RERE: variants seen among roughly 807,000 people sequenced by gnomAD.
RERE encodes arginine-glutamic acid dipeptide repeats, also known as arginine-glutamic acid dipeptide repeats protein.
In RERE, 40 loss-of-function variants were observed where a neutral mutation model predicts 146.1. The ratio of observed to expected loss-of-function variants is 0.27; its 90% confidence interval spans 0.21 to 0.36. The LOEUF is 0.36. RERE is among the 10% of genes least tolerant of loss of function. The pLI, the probability that RERE is intolerant of heterozygous loss-of-function variation, is 1.00. For synonymous variants in RERE, 1,003 were observed against 866.0 expected, an observed-to-expected ratio of 1.16 and a Z score of -2.78; for missense variants, 1,933 against 2,138.7, an observed-to-expected ratio of 0.90 and a Z score of 1.90.
At chr1:8,700,601 A>G (rs538498838) in intron 1 of RERE, among the ~76,000 whole-genome samples, 14 of 152,338 alleles carry the variant, frequency 9.2e-5, no homozygotes, top group Middle Eastern at 3.4e-3. Context: ...GCTGTTGGTC[A>G]ATGGGTTGCT....
At position 8,571,365 on chromosome 1, in the gene RERE, T is replaced by C. The variant is rs780218258; in HGVS notation, c.523-13842A>G. ...TACCACTGCTGTCTGAATTAAACCC[T>C]GAGTGTAGAGTTGGTAACACAGTAA... On this transcript the variant is annotated intron_variant, in intron 4 of 22. Coordinates refer to ENST00000400908, the MANE Select transcript of RERE (RefSeq NM_001042681.2). Among the ~76,000 whole-genome samples, 45 of 152,260 alleles carry C rather than the reference T, an allele frequency of 3.0e-4. 1 individual carries two copies. Among genetic ancestry groups the C allele is most frequent in the Admixed American group, 7.2e-4 (11 of 15,292 alleles).
intron 10 of RERE, among the ~76,000 whole-genome samples, chr1:8,480,128 GTTTTTTTTTTTTTTGT>G (rs1458752277): frequency 3.0e-4 from 41 of 135,224 alleles, no homozygotes; most frequent in African/African-American, 1.1e-3. Flanking sequence ...GCCTTTTTTT[GTTTTTTTTTTTTTTGT>G]TTTTTTTTTT....
rs1295867131 is a variant in RERE, at chr1:8,475,370, T to C, written c.1105-9347A>G. Among the ~76,000 whole-genome samples the C allele has an allele frequency of 3.2e-5, 3 of 93,626 alleles. No homozygotes were observed. The East Asian group carries it at 1.4e-3, about 42-fold the overall frequency. The allele number at this position is 93,626 out of a possible 152,430, so 61.4% of individuals were successfully genotyped here. ...GCCTGGGTGACAGAGCGAGATTCTG[T>C]CTTAAAAAAAAAAAAAAAAATTCTT... On this transcript the variant is annotated intron_variant, in intron 10 of 22. Coordinates refer to ENST00000400908, the MANE Select transcript of RERE (RefSeq NM_001042681.2).
intron 11 of RERE, among the ~76,000 whole-genome samples, chr1:8,452,088 T>C (rs1284008573): frequency 6.6e-6 from 1 of 152,066 alleles, no homozygotes; most frequent in Non-Finnish European, 1.5e-5. Flanking sequence ...TAGCCCTTGT[T>C]CTCCAATTAA....
chr1:8,637,960 G>A lies in RERE; in HGVS notation c.326-13580C>T, dbSNP rs186007729. ...GATATTCATCACTGCTGTTTAGAAC[G>A]GAGAATATTTGGAAAACATCAAGTC... On this transcript the variant is annotated intron_variant, in intron 2 of 22. Transcript: ENST00000400908. Among the ~76,000 whole-genome samples the A allele has an allele frequency of 6.0e-3, 919 of 152,306 alleles. 3 individuals are homozygous for A. The highest frequency in any genetic ancestry group is 9.2e-3 in the Non-Finnish European group (625 of 68,020).
intron 2 of RERE, among the ~76,000 whole-genome samples, chr1:8,649,139 A>T (rs1263832918): frequency 6.6e-6 from 1 of 152,212 alleles, no homozygotes; most frequent in Non-Finnish European, 1.5e-5. Context: ...AAAGAAGCCC[A>T]GAAGGAAAAT....
chr1:8,715,085 G>A (rs1639738257), intron 1 of RERE, among the ~76,000 whole-genome samples: 1 of 151,862 alleles, frequency 6.6e-6, no homozygotes, highest in Admixed American at 6.6e-5. Context: ...TGTTCGCCAG[G>A]ATGCTCTCAA....
At chr1:8,577,131 T>C (rs1646305173) in intron 4 of RERE, among the ~76,000 whole-genome samples, 2 of 150,462 alleles carry the variant, frequency 1.3e-5, no homozygotes, top group Admixed American at 6.6e-5. Context: ...ATGGCGCCAC[T>C]GCACTCCAGC....
At chr1:8,675,495 C>CAAAAAAAA (rs56912804) in intron 1 of RERE, among the ~76,000 whole-genome samples, 40 of 90,142 alleles carry the variant, frequency 4.4e-4, no homozygotes, top group Admixed American at 8.0e-4. Context: ...CCCATCTCTA[C>CAAAAAAAA]AAAAAAAAAA....
chr1:8,357,021 C>T (rs1161462348), intron 20 of RERE, among the ~76,000 whole-genome samples: 5 of 152,338 alleles, frequency 3.3e-5, no homozygotes, highest in African/African-American at 1.2e-4. Context: ...CTCCTGACGG[C>T]CTTCTCGAAA....
chr1:8,615,207 TA>T, intron 3 of RERE, among the ~76,000 whole-genome samples: 1 of 152,122 alleles, frequency 6.6e-6, no homozygotes, highest in Middle Eastern at 3.2e-3. Flanking sequence ...TTTAACTGTA[TA>T]AAGCTGAAGG....
chr1:8,774,423 G>C (rs181454726), intron 1 of RERE, among the ~76,000 whole-genome samples: 6 of 138,470 alleles, frequency 4.3e-5, no homozygotes, highest in African/African-American at 1.6e-4. Flanking sequence ...GCGCGATCTC[G>C]GCTCACCCCA....
chr1:8,393,566 A>G (rs1557607628), intron 12 of RERE, among the ~76,000 whole-genome samples: 1 of 152,214 alleles, frequency 6.6e-6, no homozygotes, highest in Non-Finnish European at 1.5e-5. Flanking sequence ...GTGTTTTAAG[A>G]ATAATACACA....
intron 11 of RERE, among the ~76,000 whole-genome samples, chr1:8,428,206 G>A (rs756690511): frequency 1.3e-5 from 2 of 152,188 alleles, no homozygotes; most frequent in African/African-American, 2.4e-5. Context: ...TGCTGCCAGC[G>A]CTGGGCAGCT....
chr1:8,670,620 A>G (rs935949364), intron 1 of RERE, among the ~76,000 whole-genome samples: 33 of 152,210 alleles, frequency 2.2e-4, no homozygotes, highest in African/African-American at 7.7e-4. Flanking sequence ...AAACGAAGCA[A>G]GGTGCAAGTT....
chr1:8,708,100 T>G (rs2124451439), intron 1 of RERE, among the ~76,000 whole-genome samples: 1 of 152,178 alleles, frequency 6.6e-6, no homozygotes, highest in South Asian at 2.1e-4. Flanking sequence ...TTCCCAAGGG[T>G]AAGAGGAAAC....
chr1:8,596,672 C>CTT (rs3082096), intron 4 of RERE, among the ~76,000 whole-genome samples: 80,449 of 137,664 alleles, frequency 0.58, 24,388 homozygotes, highest in East Asian at 0.82. Flanking sequence ...CCATGTCTGG[C>CTT]TTTTTTTTTT....
intron 12 of RERE, among the ~76,000 whole-genome samples, chr1:8,392,404 C>T (rs1281528575): frequency 1.3e-5 from 2 of 152,212 alleles, no homozygotes; most frequent in African/African-American, 4.8e-5. Flanking sequence ...AAATGAATAT[C>T]TCTATCTATA....
At chr1:8,367,247 A>C (rs1236642960) in intron 12 of RERE, among the ~76,000 whole-genome samples, 1 of 152,036 alleles carries the variant, frequency 6.6e-6, no homozygotes, top group Non-Finnish European at 1.5e-5. Flanking sequence ...CATCCAAAAC[A>C]CCCCCAGAGG....
Sources: allele counts gnomAD v4.1 joint callset (sites outside exome capture counted in the v4.1 genomes callset), GRCh38; gene constraint gnomAD v4.1.1; transcripts MANE v1.5; gene names NCBI Gene and HGNC (gene_info 2026-07-23, HGNC 2026-07-21).